The following BMP2K variants were observed in gnomAD, a reference collection of about 807,000 sequenced individuals.
The protein encoded by BMP2K is BMP-2-inducible protein kinase.
Under a neutral mutation model 116.0 loss-of-function variants are expected in BMP2K, and 74 were observed. The observed-to-expected ratio is 0.64, with a 90% CI of 0.53 to 0.77. The LOEUF (loss-of-function observed/expected upper bound fraction) is 0.77. Among genes scored for constraint, BMP2K ranks in the 30% least tolerant of loss-of-function variants. The pLI is 0.00. For missense variants in BMP2K, 1,365 were observed against 1,403.6 expected (o/e 0.97, Z 0.44); for synonymous variants, 486 against 502.5 (o/e 0.97, Z 0.44).
Position 78,872,612 on chromosome 4 carries a change from A to G in BMP2K, c.1609-2A>G. On this transcript the variant is annotated splice_acceptor_variant, in intron 12 of 15. Coordinates refer to ENST00000502613, the MANE Select transcript of BMP2K (RefSeq NM_198892.2). LOFTEE classifies it high-confidence loss of function. ...TTTGTATAATATCATTTCTTTTTTC[A>G]GATGCCGCAGTATCAGCAGGCTTTC... 1.2e-6 allele frequency: 2 copies of G among 1,612,794 alleles called. No homozygotes were observed. Among genetic ancestry groups the G allele is most frequent in the Non-Finnish European group, 1.7e-6 (2 of 1,179,532 alleles).
chr4:78,840,521 G>T (rs1295065256), intron 3 of BMP2K, among the ~76,000 whole-genome samples: 1 of 152,022 alleles, frequency 6.6e-6, no homozygotes, highest in Non-Finnish European at 1.5e-5. Context: ...TGATTGGTCA[G>T]GTGTGAGCTA....
Position 78,776,464 on chromosome 4 carries a change from C to G in BMP2K, c.-80C>G. The stretch of plus-strand genomic sequence containing the variant: ...TCGGACGGGCCAGGGGCGGCGACCC[C>G]TCGCGGACGCCCGGCTGCGCGCCGG... On this transcript the variant is annotated 5_prime_UTR_variant, in exon 1 of 16. Transcript: ENST00000502613. 1.8e-6 allele frequency: 2 copies of G among 1,098,942 alleles called. No individual in the cohort carries two copies. Among genetic ancestry groups the G allele is most frequent in the Non-Finnish European group, 2.2e-6 (2 of 903,360 alleles). The allele number at this position is 1,098,942 out of a possible 1,614,324, so 68.1% of individuals were successfully genotyped here. A position where few individuals can be genotyped will look rare whatever the true frequency, so the allele number is the denominator to read the frequency against.
At chr4:78,833,852 C>G (rs1390186837) in intron 3 of BMP2K, among the ~76,000 whole-genome samples, 165 bp downstream of exon 3, 1 of 151,958 alleles carries the variant, frequency 6.6e-6, no homozygotes, top group African/African-American at 2.4e-5. Context: ...TATTTAAAAC[C>G]TAGTCATAGT....
intron 10 of BMP2K, among the ~76,000 whole-genome samples, chr4:78,869,286 A>AT (rs200543814): frequency 4.9e-4 from 72 of 147,340 alleles, no homozygotes; most frequent in East Asian, 2.2e-3. Context: ...CCCCTTTGTG[A>AT]TTTTTTTTTT....
intron 1 of BMP2K, among the ~76,000 whole-genome samples, chr4:78,800,446 A>T (rs1004124082): frequency 7.9e-5 from 12 of 152,148 alleles, no homozygotes; most frequent in African/African-American, 2.9e-4. Context: ...CATGTTTCCT[A>T]ACCTACCCAT....
At chr4:78,818,796 T>TTG (rs1259234394) in intron 1 of BMP2K, among the ~76,000 whole-genome samples, 3 of 151,544 alleles carry the variant, frequency 2.0e-5, no homozygotes, top group Non-Finnish European at 4.4e-5. Context: ...CAGTGTTTTT[T>TTG]TTTTTTTTTT....
At chr4:78,909,133 A>G (rs1295059807) in intron 15 of BMP2K, among the ~76,000 whole-genome samples, 1 of 133,976 alleles carries the variant, frequency 7.5e-6, no homozygotes, top group African/African-American at 2.9e-5. Context: ...ATCTTGGCTC[A>G]CTGCAACCTC....
chr4:78,859,798 T>C (rs1435236074), intron 8 of BMP2K, 111 bp downstream of exon 8: 1 of 711,172 alleles, frequency 1.4e-6, no homozygotes, highest in African/African-American at 1.8e-5. Flanking sequence ...ACTCAGAGTT[T>C]CTTGTTTCAT....
rs757210160 is a variant in BMP2K at position 78,872,663 on chromosome 4, A to G, written c.1658A>G (p.His553Arg). Residue 553 changes from histidine (H) to arginine (R), a missense_variant, in exon 13 of 16, where the codon CAT (histidine) becomes CGT (arginine). His to Arg is a conservative substitution (Grantham distance 29, BLOSUM62 0). This residue lies in a region of BMP2K where 762 missense variants were observed against 756.7 expected (regional missense o/e 1.01). Transcript: ENST00000502613. The stretch of plus-strand genomic sequence containing the variant: ...TTTCAACAGCAGATGCTAGCTCAAC[A>G]TCAGCCGTCTCAACAACAGGCATCA... ...AFFQQQMLAQ[H>R]QPSQQQASPE... 6.2e-7 allele frequency: 1 copy of G among 1,614,118 alleles called. No homozygotes were observed. The highest frequency in any genetic ancestry group is 8.5e-7 in the Non-Finnish European group (1 of 1,179,990).
At chr4:78,820,096 G>A (rs1729542038) in intron 1 of BMP2K, among the ~76,000 whole-genome samples, 1 of 152,142 alleles carries the variant, frequency 6.6e-6, no homozygotes, top group African/African-American at 2.4e-5. Context: ...TGTGAAAATG[G>A]AGAAATCTTG....
chr4:78,789,842 C>T (rs1718947460), intron 1 of BMP2K, among the ~76,000 whole-genome samples: 1 of 152,202 alleles, frequency 6.6e-6, no homozygotes, highest in East Asian at 1.9e-4. Flanking sequence ...ACACGGAGGA[C>T]CTCCTGTAGG....
intron 1 of BMP2K, among the ~76,000 whole-genome samples, chr4:78,825,775 TATTC>T (rs1729838808): frequency 6.6e-6 from 1 of 152,200 alleles, no homozygotes; most frequent in African/African-American, 2.4e-5. Flanking sequence ...ACATAAAAGG[TATTC>T]TAGTGCAAAA....
At chr4:78,897,538 G>T (rs1034152600) in intron 15 of BMP2K, among the ~76,000 whole-genome samples, 51 of 152,202 alleles carry the variant, frequency 3.4e-4, no homozygotes, top group African/African-American at 1.1e-3. Flanking sequence ...ACAGCTATTT[G>T]AATTTTGAAC....
chr4:78,811,833 C>T (rs1463533354), intron 1 of BMP2K, among the ~76,000 whole-genome samples: 1 of 152,134 alleles, frequency 6.6e-6, no homozygotes, highest in East Asian at 1.9e-4. Flanking sequence ...TTACAAAAAC[C>T]CATATTTTCC....
chr4:78,811,937 G>C (rs543759695), intron 1 of BMP2K, among the ~76,000 whole-genome samples: 1 of 152,100 alleles, frequency 6.6e-6, no homozygotes, highest in East Asian at 1.9e-4. Context: ...TCAAGAAGTG[G>C]GAAATTTCCC....
chr4:78,801,296 C>T (rs773920866), intron 1 of BMP2K, among the ~76,000 whole-genome samples: 2 of 151,084 alleles, frequency 1.3e-5, no homozygotes, highest in African/African-American at 4.9e-5. Flanking sequence ...AATTCACTTG[C>T]CATGTCTTTT....
intron 1 of BMP2K, among the ~76,000 whole-genome samples, chr4:78,784,780 T>G (rs1238221885): frequency 6.6e-6 from 1 of 152,210 alleles, no homozygotes; most frequent in Non-Finnish European, 1.5e-5. Flanking sequence ...CGGGGAAAAA[T>G]ACCAGCTGGT....
In BMP2K at chr4:78,817,449, A is replaced by G. The variant is rs574778765; in HGVS notation, c.179-8588A>G. Among the ~76,000 whole-genome samples, 39 of 152,332 alleles carry G rather than the reference A, an allele frequency of 2.6e-4. 1 individual carries two copies. In the South Asian group the frequency reaches 7.0e-3, roughly 28 times the overall value. On this transcript the variant is annotated intron_variant, in intron 1 of 15. Coordinates refer to ENST00000502613, the MANE Select transcript of BMP2K (RefSeq NM_198892.2). ...CAGAACTCAGGAAAGTGCTACGCTT[A>G]CAATTACTCTTCTATCAGAAGGGAC...
chr4:78,879,253 T>A (rs1732782365), intron 14 of BMP2K: 1 of 1,016,504 alleles, frequency 9.8e-7, no homozygotes, highest in African/African-American at 1.7e-5. Context: ...CAGCTCTGTT[T>A]TTCTGCACAC....
Sources: gnomAD v4.1 joint callset for allele counts (sites outside exome capture counted in the v4.1 genomes callset) on GRCh38, gnomAD v4.1.1 for gene constraint, gnomAD v4.1.1 regional missense constraint, MANE v1.5 for transcripts, NCBI Gene and HGNC (gene_info 2026-07-23, HGNC 2026-07-21) for gene names.